The following RPSA2 variants were observed in gnomAD, a reference collection of about 807,000 sequenced individuals.
RPSA2 encodes small ribosomal subunit protein uS2B.
At chr19:23,831,209 G>T in the RPSA2 span, among the ~76,000 whole-genome samples, 7 of 152,044 alleles carry the variant, frequency 4.6e-5, no homozygotes, top group South Asian at 4.2e-4. Flanking sequence ...TGTCAGAAAA[G>T]GTCCCTAAAA....
chr19:23,763,474 CTT>C, the RPSA2 span, among the ~76,000 whole-genome samples: 1 of 152,328 alleles, frequency 6.6e-6, no homozygotes, highest in Admixed American at 6.5e-5. Flanking sequence ...CTCCCAGTGT[CTT>C]TTGTTAAACA....
At chr19:23,811,988 T>C in the RPSA2 span, among the ~76,000 whole-genome samples, 1 of 152,184 alleles carries the variant, frequency 6.6e-6, no homozygotes, top group African/African-American at 2.4e-5. Context: ...TGCCATACAA[T>C]AGATATCAGT....
At chr19:23,864,925 G>T in the RPSA2 span, among the ~76,000 whole-genome samples, 1 of 152,060 alleles carries the variant, frequency 6.6e-6, no homozygotes, top group Non-Finnish European at 1.5e-5. Context: ...AATGTGAAGG[G>T]CTCTAGAAGC....
chr19:23,857,237 A>C, the RPSA2 span, among the ~76,000 whole-genome samples: 1 of 152,202 alleles, frequency 6.6e-6, no homozygotes, highest in African/African-American at 2.4e-5. Flanking sequence ...TACAGTTAAC[A>C]CAGTTATCAC....
At chr19:23,858,240 T>C in the RPSA2 span, among the ~76,000 whole-genome samples, 1 of 126,922 alleles carries the variant, frequency 7.9e-6, no homozygotes, top group African/African-American at 3.0e-5. Flanking sequence ...ACACCTGACC[T>C]GAAAGGGTGA....
chr19:23,804,288 ATTTTTC>A, the RPSA2 span, among the ~76,000 whole-genome samples: 10 of 44,920 alleles, frequency 2.2e-4, no homozygotes, highest in South Asian at 6.4e-3. Flanking sequence ...CCTGTGCCTC[ATTTTTC>A]TTTTTCTTTT....
the RPSA2 span, among the ~76,000 whole-genome samples, chr19:23,808,508 C>T: frequency 1.3e-5 from 2 of 151,896 alleles, no homozygotes; most frequent in African/African-American, 2.4e-5. Context: ...CTCGTGATCC[C>T]AGCCTCCCAA....
chr19:23,858,993 C>A, the RPSA2 span, among the ~76,000 whole-genome samples: 1 of 152,166 alleles, frequency 6.6e-6, no homozygotes, highest in African/African-American at 2.4e-5. Flanking sequence ...TCAGGAGATT[C>A]AGGAGAGAGA....
At chr19:23,793,205 GC>G in the RPSA2 span, among the ~76,000 whole-genome samples, 1 of 148,300 alleles carries the variant, frequency 6.7e-6, no homozygotes, top group Non-Finnish European at 1.5e-5. Flanking sequence ...GAAAGAGGTG[GC>G]TTTCTTTTTT....
chr19:23,850,251 G>T, the RPSA2 span, among the ~76,000 whole-genome samples: 6 of 148,428 alleles, frequency 4.0e-5, no homozygotes, highest in East Asian at 1.2e-3. Flanking sequence ...ATAAGTATGT[G>T]TAGCAGGTAA....
the RPSA2 span, among the ~76,000 whole-genome samples, chr19:23,796,489 G>A: frequency 6.6e-6 from 1 of 151,780 alleles, no homozygotes; most frequent in African/African-American, 2.4e-5. Flanking sequence ...ATAAGTTGGA[G>A]AAAAGTTACT....
chr19:23,797,914 G>C, the RPSA2 span, among the ~76,000 whole-genome samples: 1 of 152,030 alleles, frequency 6.6e-6, no homozygotes, highest in Admixed American at 6.6e-5. Flanking sequence ...AGAAATAAGA[G>C]GCTTAATTAG....
the RPSA2 span, among the ~76,000 whole-genome samples, chr19:23,841,248 A>G: frequency 2.0e-5 from 3 of 152,108 alleles, no homozygotes; most frequent in Non-Finnish European, 4.4e-5. Context: ...GCAGATCACG[A>G]GGTCAGGAGA....
the RPSA2 span, among the ~76,000 whole-genome samples, chr19:23,843,777 G>A: frequency 4.0e-5 from 6 of 150,958 alleles, no homozygotes; most frequent in Admixed American, 6.6e-5. Context: ...TCTTTTTTTT[G>A]AGATGAAGTT....
At chr19:23,843,446 A>T in the RPSA2 span, among the ~76,000 whole-genome samples, 1 of 152,160 alleles carries the variant, frequency 6.6e-6, no homozygotes, top group African/African-American at 2.4e-5. Context: ...GTCCCATACC[A>T]TTAAATTCTT....
chr19:23,800,405 A>G, the RPSA2 span, among the ~76,000 whole-genome samples: 6 of 151,986 alleles, frequency 3.9e-5, no homozygotes, highest in Non-Finnish European at 7.4e-5. Context: ...TATATTTCCT[A>G]GAATTACCGG....
the RPSA2 span, among the ~76,000 whole-genome samples, chr19:23,809,914 T>C: frequency 6.6e-6 from 1 of 152,206 alleles, no homozygotes. Context: ...ATGGGGTCTG[T>C]AAATTTAAAG....
chr19:23,765,137 C>T, the RPSA2 span, among the ~76,000 whole-genome samples: 5 of 152,152 alleles, frequency 3.3e-5, no homozygotes, highest in Admixed American at 3.3e-4. Context: ...AAAAGCTAAC[C>T]TCTTAGAAAA....
At chr19:23,822,137 A>G in the RPSA2 span, among the ~76,000 whole-genome samples, 3 of 152,298 alleles carry the variant, frequency 2.0e-5, no homozygotes, top group South Asian at 4.1e-4. Flanking sequence ...TAGGGCTCCC[A>G]TCAATTCGCT....
Sources: allele counts gnomAD v4.1 joint callset (sites outside exome capture counted in the v4.1 genomes callset), GRCh38; gene constraint gnomAD v4.1.1; transcripts MANE v1.5; gene names NCBI Gene and HGNC (gene_info 2026-07-23, HGNC 2026-07-21).